Variants in HCK observed in about 807,000 individuals in gnomAD.
HCK encodes HCK proto-oncogene, Src family tyrosine kinase, also known as tyrosine-protein kinase HCK.
HCK carries 40 observed loss-of-function variants against 70.4 expected under a neutral mutation model. The ratio of observed to expected loss-of-function variants is 0.57; its 90% CI spans 0.44 to 0.74. HCK has a LOEUF of 0.74. Ranked by LOEUF, HCK falls within the 30% of genes least tolerant of loss-of-function variation. The pLI is 0.00. For synonymous variants in HCK, 245 were observed against 263.2 expected, an observed-to-expected ratio of 0.93 and a Z score of 0.67; for missense variants, 568 against 697.2, an observed-to-expected ratio of 0.81 and a Z score of 2.09.
Position 32,052,309 on chromosome 20 carries a change from A to C in HCK, c.-116A>C. 3.0e-6 allele frequency: 2 copies of C among 670,032 alleles called. No individual in the cohort carries two copies. Among genetic ancestry groups the C allele is most frequent in the Non-Finnish European group, 4.4e-6 (2 of 458,014 alleles). 41.5% of individuals were successfully genotyped at this position (670,032 alleles called of 1,614,324 possible). On this transcript the variant is annotated 5_prime_UTR_variant, in exon 1 of 13. Transcript: ENST00000375852. Reference sequence around the variant, plus strand: ...GAGGCGAGTGGGAAGGGACTCAGACAGTGCAGGACGAGAAACGCCCGCGGC... The same window carrying C: ...GAGGCGAGTGGGAAGGGACTCAGACCGTGCAGGACGAGAAACGCCCGCGGC...
At chr20:32,078,503 A>G (rs1316330593) in intron 5 of HCK, among the ~76,000 whole-genome samples, 1 of 152,030 alleles carries the variant, frequency 6.6e-6, no homozygotes, top group Non-Finnish European at 1.5e-5. Context: ...TGCCTCTACA[A>G]CTTCCCAGCT....
At position 32,073,056 on chromosome 20, in the gene HCK, C is replaced by T. The variant is rs62207274; in HGVS notation, c.184-263C>T. 1.6e-3 allele frequency among the ~76,000 whole-genome samples: 245 copies of T among 152,264 alleles called. 1 individual carries two copies. The highest frequency in any genetic ancestry group is 2.2e-3 in the Non-Finnish European group (147 of 68,024). Reference sequence around the variant, plus strand: ...TGGAGGTTTCGGTGAGCTGAGATCACGCCACTGCACTCCAGCCTGGGTGAC... The same window carrying T: ...TGGAGGTTTCGGTGAGCTGAGATCATGCCACTGCACTCCAGCCTGGGTGAC... On this transcript the variant is annotated intron_variant, in intron 2 of 12. Coordinates refer to ENST00000375852, the MANE Select transcript of HCK (RefSeq NM_002110.5).
At chr20:32,064,998 G>C (rs986405301) in intron 1 of HCK, among the ~76,000 whole-genome samples, 1 of 152,220 alleles carries the variant, frequency 6.6e-6, no homozygotes, top group African/African-American at 2.4e-5. Flanking sequence ...TGAGAAATGC[G>C]TATGCAGAAG....
At chr20:32,094,045 T>C (rs1469114586) in intron 11 of HCK, 29 bp downstream of exon 11, 1 of 1,598,726 alleles carries the variant, frequency 6.3e-7, no homozygotes, top group African/African-American at 1.3e-5. Flanking sequence ...CAGCCCCACG[T>C]TGCCCATTTG....
Position 32,093,745 on chromosome 20 carries a change from A to G in HCK, c.1093-118A>G, listed in dbSNP as rs921854232. The G allele has an allele frequency of 4.4e-6, 4 of 903,004 alleles. No individual in the cohort carries two copies. The Admixed American group carries it at 1.2e-4, about 27-fold the overall frequency. The allele number at this position is 903,004 out of a possible 1,614,324, so 55.9% of individuals were successfully genotyped here. A position where few individuals can be genotyped will look rare whatever the true frequency, so the allele number is the denominator to read the frequency against. ...CTGGGGCCCTCCCGACACAAAAGGGAGGGCTGGTGCAGACATTTCGCATTT... is the reference window on the plus strand; with the variant it reads ...CTGGGGCCCTCCCGACACAAAAGGGGGGGCTGGTGCAGACATTTCGCATTT... On this transcript the variant is annotated intron_variant, in intron 10 of 12. Transcript: ENST00000375852.
At chr20:32,093,732 C>T (rs368809621) in intron 10 of HCK, 131 bp from the exon 11 acceptor site, 48 of 830,008 alleles carry the variant, frequency 5.8e-5, no homozygotes, top group African/African-American at 5.0e-4. Flanking sequence ...GGGGCCCTCC[C>T]GACACAAAAG....
At chr20:32,072,563 T>TAAAAAAAAAAAAAAAAA (rs199684278) in intron 2 of HCK, 4 of 63,216 alleles carry the variant, frequency 6.3e-5, no homozygotes, top group African/African-American at 2.9e-4. Flanking sequence ...CCTGTCTCTT[T>TAAAAAAAAAAAAAAAAA]AAAAAAAAAA....
chr20:32,099,276 C>A (rs907395158), intron 12 of HCK, 141 bp downstream of exon 12: 1 of 829,742 alleles, frequency 1.2e-6, no homozygotes, highest in East Asian at 2.6e-5. Flanking sequence ...GTTAAAGGCA[C>A]CTCCATCCAT....
chr20:32,069,258 C>T (rs961379341), intron 1 of HCK, among the ~76,000 whole-genome samples: 1 of 152,220 alleles, frequency 6.6e-6, no homozygotes, highest in Non-Finnish European at 1.5e-5. Flanking sequence ...TGAATGAACA[C>T]AGGTCTTCTG....
rs776892739 is a variant in HCK at position 32,083,930 on chromosome 20, G to A, written c.569G>A (p.Arg190Gln). The change falls in exon 7 of 13, where the codon CGG (arginine) becomes CAG (glutamine). Residue 190 changes from arginine to glutamine, a missense_variant. By Grantham distance (43) the Arg-to-Gln change is conservative (BLOSUM62 1). Around this residue, in one of 4 missense-constraint regions of HCK, gnomAD observed 318 missense variants for 336.0 expected, o/e 0.95. Coordinates refer to ENST00000375852, the MANE Select transcript of HCK (RefSeq NM_002110.5). ...TTGTCCGTGCGAGACTACGACCCTC[G>A]GCAGGGAGATACCGTGAAACATTAC... The A allele has an allele frequency of 9.9e-6, 16 of 1,614,022 alleles. No homozygotes were observed. The highest frequency in any genetic ancestry group is 1.6e-4 in the Middle Eastern group (1 of 6,080).
At chr20:32,058,105 A>G (rs2045300887) in intron 1 of HCK, among the ~76,000 whole-genome samples, 1 of 152,160 alleles carries the variant, frequency 6.6e-6, no homozygotes, top group African/African-American at 2.4e-5. Flanking sequence ...CATCTCTACC[A>G]TAGAAATGAA....
chr20:32,074,313 C>A (rs1021531149), intron 4 of HCK, among the ~76,000 whole-genome samples: 9 of 152,180 alleles, frequency 5.9e-5, no homozygotes, highest in African/African-American at 2.2e-4. Context: ...TCTATAGGCA[C>A]AGGACCCTGC....
chr20:32,075,397 C>T (rs2045607603), intron 5 of HCK, among the ~76,000 whole-genome samples: 1 of 152,010 alleles, frequency 6.6e-6, no homozygotes, highest in Non-Finnish European at 1.5e-5. Context: ...GAGAGGGGGT[C>T]TCTCTGTGTT....
intron 1 of HCK, among the ~76,000 whole-genome samples, chr20:32,070,202 T>A (rs1474041805): frequency 2.0e-5 from 3 of 152,088 alleles, no homozygotes; most frequent in Non-Finnish European, 2.9e-5. Context: ...CCTGAACAAT[T>A]TTGGCAGATT....
chr20:32,056,571 T>C (rs1436004468), intron 1 of HCK, among the ~76,000 whole-genome samples: 1 of 152,048 alleles, frequency 6.6e-6, no homozygotes, highest in African/African-American at 2.4e-5. Context: ...TGCTATGCTG[T>C]TTTCCACCAT....
At chr20:32,071,824 G>A in intron 2 of HCK, 42 bp downstream of exon 2, 2 of 1,603,260 alleles carry the variant, frequency 1.2e-6, no homozygotes, top group Non-Finnish European at 1.7e-6. Flanking sequence ...GCTGACGGAT[G>A]CTGCCCCAAC....
chr20:32,084,169 T>C, intron 7 of HCK, 126 bp downstream of exon 7: 1 of 1,151,876 alleles, frequency 8.7e-7, no homozygotes, highest in Non-Finnish European at 1.2e-6. Flanking sequence ...ATAGTTGCTT[T>C]GGATGCTTCT....
At chr20:32,082,401 G>A (rs2045720039) in intron 6 of HCK, among the ~76,000 whole-genome samples, 1 of 152,068 alleles carries the variant, frequency 6.6e-6, no homozygotes, top group African/African-American at 2.4e-5. Context: ...CAGCAGTTTG[G>A]GAGGCTGAGG....
chr20:32,094,705 AAAAGAAAG>A (rs71185377), intron 11 of HCK, among the ~76,000 whole-genome samples: 8,743 of 74,734 alleles, frequency 0.12, 664 homozygotes, highest in East Asian at 0.2. Context: ...AAAAGAAAAG[AAAAGAAAG>A]AAAGAAAGAA....
Sources: gnomAD v4.1 joint callset for allele counts (sites outside exome capture counted in the v4.1 genomes callset) on GRCh38, gnomAD v4.1.1 for gene constraint, gnomAD v4.1.1 regional missense constraint, MANE v1.5 for transcripts, NCBI Gene and HGNC (gene_info 2026-07-23, HGNC 2026-07-21) for gene names.